The following FGGY variants were observed in gnomAD, a reference collection of about 807,000 sequenced individuals.
FGGY encodes the protein FGGY carbohydrate kinase domain containing.
In FGGY, 72 loss-of-function variants were observed where a neutral mutation model predicts 71.3. The observed-to-expected ratio is 1.01, with a 90% CI of 0.84 to 1.23. The LOEUF is 1.23. FGGY is among the 50% of genes most tolerant of loss of function. The pLI, the probability that FGGY is intolerant of heterozygous loss-of-function variation, is 0.00. For missense variants in FGGY, 668 were observed against 682.3 expected, an observed-to-expected ratio of 0.98 and a Z score of 0.23; for synonymous variants, 251 against 250.3, an observed-to-expected ratio of 1.00 and a Z score of -0.02.
chr1:59,346,109 C>T, intron 3 of FGGY, 138 bp from the exon 4 acceptor site: 3 of 1,091,952 alleles, frequency 2.7e-6, no homozygotes, highest in Middle Eastern at 3.1e-4. Context: ...TTGCTGGTGT[C>T]CTTTCATTTT....
intron 7 of FGGY, among the ~76,000 whole-genome samples, chr1:59,541,163 C>T (rs1307960151): frequency 6.6e-6 from 1 of 152,128 alleles, no homozygotes; most frequent in Non-Finnish European, 1.5e-5. Flanking sequence ...TCAGTGATTA[C>T]TTTCTCCATG....
At chr1:59,696,682 G>GC (rs949012179) in intron 14 of FGGY, among the ~76,000 whole-genome samples, 7 of 152,232 alleles carry the variant, frequency 4.6e-5, no homozygotes, top group African/African-American at 1.7e-4. Context: ...TCTCTGTCTA[G>GC]CCCCCAGGAA....
chr1:59,643,253 A>G (rs776536872), intron 11 of FGGY, among the ~76,000 whole-genome samples: 34 of 152,214 alleles, frequency 2.2e-4, no homozygotes, highest in Non-Finnish European at 4.6e-4. Context: ...CAGTGGCCTA[A>G]TCAGAACCCA....
intron 8 of FGGY, 82 bp downstream of exon 8, chr1:59,554,309 C>T (rs1206445258): frequency 1.9e-6 from 2 of 1,039,444 alleles, no homozygotes; most frequent in African/African-American, 3.2e-5. Context: ...GGCTTCTTCA[C>T]CCTTTCACTT....
chr1:59,352,723 G>A (rs2053544767), intron 4 of FGGY, among the ~76,000 whole-genome samples: 1 of 152,206 alleles, frequency 6.6e-6, no homozygotes, highest in Admixed American at 6.5e-5. Flanking sequence ...GGTCAGGGAA[G>A]CTTGGTTCTT....
At chr1:59,312,568 G>A (rs2044547251) in intron 1 of FGGY, among the ~76,000 whole-genome samples, 1 of 152,164 alleles carries the variant, frequency 6.6e-6, no homozygotes, top group Non-Finnish European at 1.5e-5. Context: ...GTGTAAGCAG[G>A]GTTTTATGGA....
At chr1:59,385,482 C>T (rs887137100) in intron 5 of FGGY, among the ~76,000 whole-genome samples, 3 of 152,098 alleles carry the variant, frequency 2.0e-5, no homozygotes, top group South Asian at 2.1e-4. Context: ...GTGTCATTAC[C>T]GCTTTGCAAT....
intron 11 of FGGY, among the ~76,000 whole-genome samples, chr1:59,639,751 A>G (rs774016289): frequency 2.0e-5 from 3 of 152,230 alleles, no homozygotes; most frequent in Non-Finnish European, 2.9e-5. Flanking sequence ...TAAAATGGTC[A>G]TTGCTCTGGA....
chr1:59,322,478 T>A lies in FGGY; in HGVS notation c.201+728T>A, dbSNP rs115090192. Among the ~76,000 whole-genome samples, 421 of 152,242 alleles carry A rather than the reference T, an allele frequency of 2.8e-3. 4 individuals are homozygous for A. The highest frequency in any genetic ancestry group is 9.2e-3 in the African/African-American group (383 of 41,530). ...TTCCTCCGAGTTCCCAAAGTCCAAT[T>A]GTATCATTCCTATACCTTTGCCTCC... On this transcript the variant is annotated intron_variant, in intron 2 of 15. Transcript: ENST00000303721.
At chr1:59,691,206 G>T (rs2097583921) in intron 14 of FGGY, among the ~76,000 whole-genome samples, 1 of 152,140 alleles carries the variant, frequency 6.6e-6, no homozygotes, top group Admixed American at 6.5e-5. Flanking sequence ...TCTTTCCAAA[G>T]GAAATAACTG....
intron 6 of FGGY, among the ~76,000 whole-genome samples, chr1:59,505,685 C>T (rs1315892333): frequency 2.0e-5 from 3 of 152,142 alleles, no homozygotes; most frequent in Admixed American, 2.0e-4. Flanking sequence ...TTCAACACCC[C>T]GCCCCCACTT....
intron 5 of FGGY, among the ~76,000 whole-genome samples, chr1:59,426,661 C>CCTTGTTTACTTTTTA (rs1553196494): frequency 6.6e-6 from 1 of 152,052 alleles, no homozygotes; most frequent in East Asian, 1.9e-4. Context: ...TCCTCCTGGC[C>CCTTGTTTACTTTTTA]CTTGTTTACT....
chr1:59,359,101 T>C (rs2054905122), intron 4 of FGGY, among the ~76,000 whole-genome samples: 1 of 152,202 alleles, frequency 6.6e-6, no homozygotes, highest in Non-Finnish European at 1.5e-5. Flanking sequence ...CATTGGAGCT[T>C]ACCTAAGTAA....
At chr1:59,505,897 G>T (rs964503651) in intron 6 of FGGY, among the ~76,000 whole-genome samples, 2 of 152,056 alleles carry the variant, frequency 1.3e-5, no homozygotes, top group African/African-American at 4.8e-5. Flanking sequence ...AGGAGCCCCC[G>T]CCTGTGAAGA....
chr1:59,579,258 GAAGGCGTT>G (rs1367886884), intron 8 of FGGY, among the ~76,000 whole-genome samples: 5 of 151,960 alleles, frequency 3.3e-5, no homozygotes, highest in Admixed American at 6.6e-5. Context: ...CTAAATTTTG[GAAGGCGTT>G]AAGCCTCTGC....
At chr1:59,668,412 C>T (rs934025523) in intron 13 of FGGY, among the ~76,000 whole-genome samples, 8 of 152,148 alleles carry the variant, frequency 5.3e-5, no homozygotes, top group Admixed American at 5.2e-4. Context: ...CCAACTCCAG[C>T]CTGATAAGAG....
At chr1:59,501,252 A>G (rs1011325472) in intron 6 of FGGY, among the ~76,000 whole-genome samples, 3 of 152,190 alleles carry the variant, frequency 2.0e-5, no homozygotes, top group Non-Finnish European at 4.4e-5. Flanking sequence ...TTAAAAAAGA[A>G]CATCCTTTAT....
intron 7 of FGGY, among the ~76,000 whole-genome samples, chr1:59,539,369 T>A (rs1478572694): frequency 1.3e-5 from 2 of 152,086 alleles, no homozygotes; most frequent in African/African-American, 4.8e-5. Flanking sequence ...GCAGAACATA[T>A]TACGAAGTAA....
intron 14 of FGGY, among the ~76,000 whole-genome samples, chr1:59,697,438 A>G (rs1323132664): frequency 6.6e-6 from 1 of 152,178 alleles, no homozygotes; most frequent in East Asian, 1.9e-4. Context: ...ATATAAGTGG[A>G]ATCATACAGC....
Sources: gnomAD v4.1 joint callset for allele counts (sites outside exome capture counted in the v4.1 genomes callset) on GRCh38, gnomAD v4.1.1 for gene constraint, MANE v1.5 for transcripts, NCBI Gene and HGNC (gene_info 2026-07-23, HGNC 2026-07-21) for gene names.